The following PRDM16 variants were observed in gnomAD, a reference collection of about 807,000 sequenced individuals.
PRDM16 encodes PR/SET domain 16, also known as histone-lysine N-methyltransferase PRDM16.
A neutral mutation model predicts 110.6 loss-of-function variants in PRDM16; 23 were observed. That is an observed-to-expected ratio of 0.21 (90% confidence interval 0.15 to 0.29). The LOEUF (loss-of-function observed/expected upper bound fraction) is 0.29, where lower values mean the gene tolerates loss of function less well. Ranked by LOEUF, PRDM16 falls within the 10% of genes least tolerant of loss-of-function variation. The pLI is 1.00. For synonymous variants in PRDM16, 799 were observed against 781.8 expected (o/e 1.02, Z -0.37); for missense variants, 1,615 against 1,794.3 (o/e 0.90, Z 1.81).
chr1:3,381,637 C>T lies in PRDM16; in HGVS notation c.439-3515C>T, dbSNP rs555526822. On this transcript the variant is annotated intron_variant, in intron 3 of 16. Transcript: ENST00000270722. ...AACTCCTGACCTCAGGTGATCCACCCGCCTCACTCTCAAAGTGCTGGGATT... is the reference window on the plus strand; with the variant it reads ...AACTCCTGACCTCAGGTGATCCACCTGCCTCACTCTCAAAGTGCTGGGATT... Among the ~76,000 whole-genome samples the T allele has an allele frequency of 3.3e-5, 5 of 152,210 alleles. No individual in the cohort carries two copies. The South Asian group carries it at 8.3e-4, about 25-fold the overall frequency.
chr1:3,321,081 G>A (rs549330958), intron 3 of PRDM16, among the ~76,000 whole-genome samples: 2 of 152,324 alleles, frequency 1.3e-5, no homozygotes, highest in Admixed American at 6.5e-5. Flanking sequence ...TGGGAGCTGC[G>A]TGGGTGTGAT....
At chr1:3,097,430 C>T (rs893944309) in intron 1 of PRDM16, among the ~76,000 whole-genome samples, 1 of 152,248 alleles carries the variant, frequency 6.6e-6, no homozygotes, top group Non-Finnish European at 1.5e-5. Context: ...CAGGCTGCCG[C>T]CCCGTGCCCT....
At chr1:3,354,234 T>A (rs1570122963) in intron 3 of PRDM16, among the ~76,000 whole-genome samples, 2 of 152,048 alleles carry the variant, frequency 1.3e-5, no homozygotes, top group South Asian at 4.2e-4. Flanking sequence ...CCGAGGTGGG[T>A]GGATCACCTG....
At chr1:3,352,880 C>T (rs1642521542) in intron 3 of PRDM16, among the ~76,000 whole-genome samples, 1 of 152,076 alleles carries the variant, frequency 6.6e-6, no homozygotes, top group African/African-American at 2.4e-5. Flanking sequence ...CGGTGGCAGT[C>T]AGGCCGCATT....
intron 1 of PRDM16, among the ~76,000 whole-genome samples, chr1:3,094,118 C>A (rs1642337286): frequency 6.6e-6 from 1 of 152,180 alleles, no homozygotes; most frequent in Non-Finnish European, 1.5e-5. Flanking sequence ...GAAACAAACA[C>A]CTGAGTGTGC....
chr1:3,272,184 T>C (rs1001914013), intron 3 of PRDM16, among the ~76,000 whole-genome samples: 1 of 152,156 alleles, frequency 6.6e-6, no homozygotes, highest in African/African-American at 2.4e-5. Flanking sequence ...GCCCAGGGGC[T>C]CTCAGACCGG....
At chr1:3,194,038 T>C (rs773757090) in intron 2 of PRDM16, among the ~76,000 whole-genome samples, 14 of 152,220 alleles carry the variant, frequency 9.2e-5, no homozygotes, top group Admixed American at 2.6e-4. Flanking sequence ...ATTTACGGCC[T>C]GGGCCGAGAG....
At chr1:3,220,270 C>T (rs1639122873) in intron 2 of PRDM16, among the ~76,000 whole-genome samples, 1 of 152,210 alleles carries the variant, frequency 6.6e-6, no homozygotes, top group Admixed American at 6.5e-5. Flanking sequence ...AAAACCTGTC[C>T]CCAACACCGT....
At chr1:3,285,086 GC>G (rs549416638) in intron 3 of PRDM16, among the ~76,000 whole-genome samples, 1 of 152,156 alleles carries the variant, frequency 6.6e-6, no homozygotes. Flanking sequence ...GCACTCTCTG[GC>G]CCCCCCAAGT....
At chr1:3,263,254 A>G (rs1230712810) in intron 3 of PRDM16, among the ~76,000 whole-genome samples, 1 of 152,152 alleles carries the variant, frequency 6.6e-6, no homozygotes, top group African/African-American at 2.4e-5. Context: ...GGGCCGGGAC[A>G]CTGTGTCTAA....
At chr1:3,297,894 C>CGCAGGAGCCAGCTCT (rs1641123645) in intron 3 of PRDM16, among the ~76,000 whole-genome samples, 1 of 140,138 alleles carries the variant, frequency 7.1e-6, no homozygotes, top group African/African-American at 3.3e-5. Context: ...TGGCAAGCTC[C>CGCAGGAGCCAGCTCT]GCAGGGGCCA....
chr1:3,395,186 A>T (rs1390159487), intron 4 of PRDM16, among the ~76,000 whole-genome samples: 1 of 151,074 alleles, frequency 6.6e-6, no homozygotes, highest in African/African-American at 2.4e-5. Flanking sequence ...AATGTGGGGG[A>T]CATGGGGGAG....
At chr1:3,274,227 C>T (rs1407819295) in intron 3 of PRDM16, among the ~76,000 whole-genome samples, 1 of 152,128 alleles carries the variant, frequency 6.6e-6, no homozygotes, top group African/African-American at 2.4e-5. Flanking sequence ...TTTCATCAGG[C>T]ATCTCTGAAA....
At position 3,305,936 on chromosome 1, in the gene PRDM16, C is replaced by G. The variant is rs564576550; in HGVS notation, c.438+61799C>G. On this transcript the variant is annotated intron_variant, in intron 3 of 16. Coordinates refer to ENST00000270722, the MANE Select transcript of PRDM16 (RefSeq NM_022114.4). ...CACCTATGCCAGGCACTGGCCTGGG[C>G]CCCAGTGACACTCTCTGCATCCTCC... Among the ~76,000 whole-genome samples the G allele has an allele frequency of 3.1e-4, 47 of 152,362 alleles. 2 individuals carry two copies. The South Asian group carries it at 9.3e-3, about 30-fold the overall frequency.
At chr1:3,240,910 C>G (rs1418287415) in intron 2 of PRDM16, among the ~76,000 whole-genome samples, 1 of 152,370 alleles carries the variant, frequency 6.6e-6, no homozygotes, top group East Asian at 1.9e-4. Flanking sequence ...CTTTTTTTGG[C>G]TAAAACGCTT....
At chr1:3,326,413 C>CATG (rs1284825476) in intron 3 of PRDM16, among the ~76,000 whole-genome samples, 1 of 152,210 alleles carries the variant, frequency 6.6e-6, no homozygotes, top group East Asian at 1.9e-4. Context: ...TCTGTGAGGG[C>CATG]ATGAATTTTA....
In PRDM16 at chr1:3,092,033, A is replaced by G. The variant is rs181303631; in HGVS notation, c.37+22737A>G. Among the ~76,000 whole-genome samples the G allele has an allele frequency of 8.9e-4, 135 of 152,312 alleles. 1 individual carries two copies. Among genetic ancestry groups the G allele is most frequent in the Middle Eastern group, 3.4e-3 (1 of 294 alleles). On this transcript the variant is annotated intron_variant, in intron 1 of 16. Coordinates refer to ENST00000270722, the MANE Select transcript of PRDM16 (RefSeq NM_022114.4). ...GGAGGGGACGCAGGTCCCCATGTAG[A>G]GGATAAGATGGAGCCAGCCGTGGGT...
chr1:3,131,344 GAGTTA>G (rs1643331957), intron 1 of PRDM16, among the ~76,000 whole-genome samples: 1 of 152,290 alleles, frequency 6.6e-6, no homozygotes, highest in East Asian at 1.9e-4. Context: ...TTCTGTGTTT[GAGTTA>G]GGGGGACTGG....
intron 1 of PRDM16, among the ~76,000 whole-genome samples, chr1:3,170,161 TA>T (rs1466616672): frequency 3.9e-5 from 6 of 152,226 alleles, no homozygotes. Flanking sequence ...ATTCCGTGGT[TA>T]AAACTATGAA....
Sources: gnomAD v4.1 joint callset for allele counts (sites outside exome capture counted in the v4.1 genomes callset) on GRCh38, gnomAD v4.1.1 for gene constraint, MANE v1.5 for transcripts, NCBI Gene and HGNC (gene_info 2026-07-23, HGNC 2026-07-21) for gene names.